The following OCA2 variants were observed in gnomAD, a reference collection of about 807,000 sequenced individuals.
OCA2 encodes the protein OCA2 melanosomal transmembrane protein.
A neutral mutation model predicts 100.2 loss-of-function variants in OCA2; 77 were observed. The ratio of observed to expected loss-of-function variants is 0.77; its 90% CI spans 0.64 to 0.93. The LOEUF is 0.93. Among genes scored for constraint, OCA2 ranks in the 40% least tolerant of loss-of-function variants. The pLI is 0.00. For missense variants in OCA2, 1,062 were observed against 1,089.1 expected, an observed-to-expected ratio of 0.98 and a Z score of 0.35; for synonymous variants, 432 against 439.2, an observed-to-expected ratio of 0.98 and a Z score of 0.21.
intron 19 of OCA2, among the ~76,000 whole-genome samples, chr15:27,904,987 A>C (rs2038115418): frequency 6.6e-6 from 1 of 152,110 alleles, no homozygotes; most frequent in Non-Finnish European, 1.5e-5. Context: ...AACATGGCAA[A>C]ACCTCGTCTC....
chr15:27,763,796 C>T lies in OCA2; in HGVS notation c.2433-8324G>A, dbSNP rs116374675. 2.9e-3 allele frequency among the ~76,000 whole-genome samples: 443 copies of T among 152,242 alleles called. 3 individuals are homozygous for T. Among genetic ancestry groups the T allele is most frequent in the African/African-American group, 0.01 (424 of 41,528 alleles). On this transcript the variant is annotated intron_variant, in intron 23 of 23. Coordinates refer to ENST00000354638, the MANE Select transcript of OCA2 (RefSeq NM_000275.3). ...ACTGGGTGGGAGTGAGTGGTGAGGG[C>T]CTGGCCAAATGTAGGTGACAGGACA...
At chr15:27,750,853 G>C (rs548234834), downstream of OCA2, among the ~76,000 whole-genome samples, 2 of 152,310 alleles carry the variant, frequency 1.3e-5, no homozygotes, top group East Asian at 1.9e-4. Context: ...TGGGAAGCTT[G>C]ACATAGAAAC....
At chr15:27,725,811 C>A in the OCA2 span, among the ~76,000 whole-genome samples, 2 of 152,100 alleles carry the variant, frequency 1.3e-5, no homozygotes, top group African/African-American at 4.8e-5. Context: ...TGAAGAGGGT[C>A]AGCTTTTTTC....
intron 14 of OCA2, among the ~76,000 whole-genome samples, chr15:27,982,208 A>T (rs1470571845): frequency 6.6e-6 from 1 of 152,224 alleles, no homozygotes; most frequent in African/African-American, 2.4e-5. Context: ...GCACCAAAAT[A>T]TTAAAAGAAT....
chr15:28,085,337 GA>G (rs1178424915), intron 1 of OCA2, among the ~76,000 whole-genome samples: 1 of 151,996 alleles, frequency 6.6e-6, no homozygotes, highest in Non-Finnish European at 1.5e-5. Context: ...GTCCAAGAAG[GA>G]AATAGAAGCT....
chr15:28,068,844 A>T (rs1450743005), intron 2 of OCA2, among the ~76,000 whole-genome samples: 2 of 152,258 alleles, frequency 1.3e-5, no homozygotes, highest in Non-Finnish European at 2.9e-5. Flanking sequence ...GCAAAACTGT[A>T]TGATCATCTC....
intron 23 of OCA2, among the ~76,000 whole-genome samples, chr15:27,836,522 T>C (rs1017405003): frequency 3.2e-4 from 49 of 152,262 alleles, no homozygotes; most frequent in African/African-American, 1.2e-3. Flanking sequence ...ACATTCATGA[T>C]TTTTAACCCT....
rs779096530 is a variant in OCA2, at chr15:28,022,509, T to A, written c.638A>T (p.Glu213Val). 7 of 1,612,590 alleles carry A rather than the reference T, an allele frequency of 4.3e-6. No homozygotes were observed. In the African/African-American group the frequency reaches 9.3e-5, roughly 22 times the overall value. ...LWQLLALSPLENYSVNLSSHV... is the reference protein window; with the variant it reads ...LWQLLALSPLVNYSVNLSSHV... Reference sequence around the variant, plus strand: ...GAGTGGATTTTGGATACAGTAGTTCTCCAGCGGTGATAAGGCCAACAGCTG... The same window carrying A: ...GAGTGGATTTTGGATACAGTAGTTCACCAGCGGTGATAAGGCCAACAGCTG... The change falls in exon 6 of 24, where the codon GAG becomes GTG. Residue 213 changes from glutamate to valine, a missense_variant. By Grantham distance (121) the Glu-to-Val change is moderately radical. Coordinates refer to ENST00000354638, the MANE Select transcript of OCA2 (RefSeq NM_000275.3).
intron 23 of OCA2, among the ~76,000 whole-genome samples, chr15:27,843,249 G>C (rs80177321): frequency 0.028 from 4,282 of 152,238 alleles, 66 homozygotes; most frequent in Non-Finnish European, 0.032. Flanking sequence ...GGCTGCAGAA[G>C]TTAGGAGCCC....
At chr15:28,008,944 T>C (rs2042160815) in intron 9 of OCA2, among the ~76,000 whole-genome samples, 1 of 152,210 alleles carries the variant, frequency 6.6e-6, no homozygotes, top group Non-Finnish European at 1.5e-5. Context: ...CTGCAGAATC[T>C]AGAGACCTCC....
At chr15:28,032,593 G>C (rs992784479) in intron 2 of OCA2, among the ~76,000 whole-genome samples, 3 of 151,574 alleles carry the variant, frequency 2.0e-5, no homozygotes, top group African/African-American at 4.9e-5. Context: ...AGACCAGCCT[G>C]GCCAACGTGG....
At chr15:28,092,374 G>T (rs192682132) in intron 1 of OCA2, among the ~76,000 whole-genome samples, 29 of 151,796 alleles carry the variant, frequency 1.9e-4, no homozygotes, top group African/African-American at 7.0e-4. Context: ...CATTTTTTTT[G>T]AAACAGGGTC....
At chr15:27,967,604 G>T (rs1013847461) in intron 14 of OCA2, among the ~76,000 whole-genome samples, 1 of 152,262 alleles carries the variant, frequency 6.6e-6, no homozygotes, top group South Asian at 2.1e-4. Flanking sequence ...GTGTCCTCGT[G>T]GCTGGAGAGC....
chr15:27,913,909 AAGCAAGCAAGC>A, intron 19 of OCA2, among the ~76,000 whole-genome samples: 1 of 48,068 alleles, frequency 2.1e-5, no homozygotes, highest in Admixed American at 3.1e-4. Flanking sequence ...GCAAGCAAGC[AAGCAAGCAAGC>A]AAGCAAGCAA....
intron 23 of OCA2, among the ~76,000 whole-genome samples, chr15:27,829,296 GA>G (rs2034858300): frequency 6.8e-6 from 1 of 147,884 alleles, no homozygotes; most frequent in African/African-American, 2.5e-5. Context: ...TAGATAGATA[GA>G]TAGATAGATA....
At chr15:27,887,189 A>C (rs2151575351) in intron 19 of OCA2, among the ~76,000 whole-genome samples, 1 of 151,898 alleles carries the variant, frequency 6.6e-6, no homozygotes, top group South Asian at 2.1e-4. Flanking sequence ...AGTCCATTAA[A>C]CCTCTTTCCT....
intron 23 of OCA2, among the ~76,000 whole-genome samples, chr15:27,820,386 C>T (rs2034460747): frequency 1.3e-5 from 2 of 152,294 alleles, no homozygotes; most frequent in South Asian, 4.1e-4. Flanking sequence ...CACGCACTCT[C>T]CACAGGGTAT....
intron 19 of OCA2, among the ~76,000 whole-genome samples, chr15:27,906,336 A>G (rs533097026): frequency 4.6e-5 from 7 of 152,348 alleles, no homozygotes; most frequent in African/African-American, 1.4e-4. Context: ...TCACTTTACA[A>G]AAGAAATGAG....
intron 9 of OCA2, among the ~76,000 whole-genome samples, chr15:28,003,554 C>G (rs1418985429): frequency 1.4e-5 from 2 of 146,882 alleles, no homozygotes. Context: ...AGCCTAGAGT[C>G]TGAAAGCCTG....
Sources: allele counts gnomAD v4.1 joint callset (sites outside exome capture counted in the v4.1 genomes callset), GRCh38; gene constraint gnomAD v4.1.1; transcripts MANE v1.5; gene names NCBI Gene and HGNC (gene_info 2026-07-23, HGNC 2026-07-21).